The following COL9A1 variants were observed in gnomAD, a reference collection of about 807,000 sequenced individuals.
COL9A1 encodes the protein collagen alpha-1(IX) chain.
In COL9A1, 104 loss-of-function variants were observed where a neutral mutation model predicts 142.6. The ratio of observed to expected loss-of-function variants is 0.73; its 90% CI spans 0.62 to 0.86. The LOEUF (loss-of-function observed/expected upper bound fraction) is 0.86. COL9A1 is among the 40% of genes least tolerant of loss of function. The pLI is 0.00. For synonymous variants in COL9A1, 466 were observed against 396.0 expected (o/e 1.18, Z -2.10); for missense variants, 1,210 against 1,176.6 (o/e 1.03, Z -0.42).
chr6:70,232,328 T>C (rs569673126), intron 36 of COL9A1, among the ~76,000 whole-genome samples: 1 of 152,316 alleles, frequency 6.6e-6, no homozygotes, highest in East Asian at 1.9e-4. Flanking sequence ...AGGTAGAGTA[T>C]AATAGAAAAA....
At chr6:70,217,360 C>T (rs1457599083) in intron 37 of COL9A1, among the ~76,000 whole-genome samples, 11 of 152,072 alleles carry the variant, frequency 7.2e-5, no homozygotes. Flanking sequence ...ATGGTAGCCT[C>T]CAGCCACAGG....
chr6:70,296,392 G>A (rs1024607714), intron 4 of COL9A1, among the ~76,000 whole-genome samples: 2 of 151,744 alleles, frequency 1.3e-5, no homozygotes, highest in African/African-American at 4.8e-5. Context: ...TATCCCTCAA[G>A]TGTACATTTT....
chr6:70,262,010 C>A (rs921640799), intron 19 of COL9A1, among the ~76,000 whole-genome samples: 5 of 152,108 alleles, frequency 3.3e-5, no homozygotes, highest in Admixed American at 1.3e-4. Context: ...CCCCAATGGA[C>A]CACTTGAGCC....
chr6:70,284,544 T>C (rs1453652615), intron 5 of COL9A1, among the ~76,000 whole-genome samples: 1 of 152,214 alleles, frequency 6.6e-6, no homozygotes, highest in Admixed American at 6.5e-5. Context: ...GACAACTTCT[T>C]ACATTGTTAG....
At chr6:70,252,358 A>C (rs773646260) in intron 26 of COL9A1, 43 bp from the exon 27 acceptor site, 2 of 1,559,770 alleles carry the variant, frequency 1.3e-6, no homozygotes, top group Non-Finnish European at 1.8e-6. Context: ...ATGCTGAAGT[A>C]AGCATAATCA....
At chr6:70,261,267 C>A (rs1771669332) in intron 19 of COL9A1, among the ~76,000 whole-genome samples, 1 of 151,926 alleles carries the variant, frequency 6.6e-6, no homozygotes. Flanking sequence ...CAACTCGGGG[C>A]AATAGGAACC....
intron 18 of COL9A1, among the ~76,000 whole-genome samples, chr6:70,263,499 T>G (rs1365406224): frequency 6.6e-6 from 1 of 151,986 alleles, no homozygotes; most frequent in Non-Finnish European, 1.5e-5. Flanking sequence ...ATATAAAAAG[T>G]CACCAAAATA....
At chr6:70,240,120 G>T (rs1770152324) in intron 32 of COL9A1, among the ~76,000 whole-genome samples, 1 of 152,118 alleles carries the variant, frequency 6.6e-6, no homozygotes, top group Non-Finnish European at 1.5e-5. Context: ...ATAATGATGA[G>T]CCTGCAAACC....
chr6:70,294,472 A>C lies in COL9A1; in HGVS notation c.391T>G (p.Trp131Gly), dbSNP rs777847893. Residue 131 changes from tryptophan (W) to glycine (G), a missense_variant, in exon 5 of 38, where the codon TGG (tryptophan) becomes GGG (glycine). Transcript: ENST00000357250. ...TTCCCAGAGGAATCCTGAATCTGCC[A>C]AATGTTCCAGTTCTTTTTGAGAGTG... ...GSTLKKNWNI[W>G]QIQDSSGKEQ... 5.3e-5 allele frequency: 86 copies of C among 1,614,010 alleles called. No individual in the cohort carries two copies. The highest frequency in any genetic ancestry group is 7.0e-5 in the Non-Finnish European group (83 of 1,179,966).
intron 11 of COL9A1, among the ~76,000 whole-genome samples, chr6:70,274,491 C>T (rs1457796804): frequency 3.3e-5 from 5 of 152,136 alleles, no homozygotes; most frequent in African/African-American, 7.2e-5. Flanking sequence ...CGTTAGTTTG[C>T]TGAAAATAAT....
At chr6:70,246,678 A>C (rs901854902) in intron 28 of COL9A1, among the ~76,000 whole-genome samples, 1 of 152,172 alleles carries the variant, frequency 6.6e-6, no homozygotes, top group African/African-American at 2.4e-5. Context: ...CCACCACCAA[A>C]GTTCCATAAA....
intron 31 of COL9A1, 54 bp from the exon 32 acceptor site, chr6:70,240,787 T>C: frequency 1.5e-6 from 2 of 1,350,048 alleles, no homozygotes; most frequent in Non-Finnish European, 2.1e-6. Flanking sequence ...CATTGCCCAA[T>C]TTTAACCAGT....
chr6:70,284,679 A>G (rs1192130416), intron 5 of COL9A1, among the ~76,000 whole-genome samples: 1 of 152,246 alleles, frequency 6.6e-6, no homozygotes, highest in Non-Finnish European at 1.5e-5. Context: ...CATATCCCAT[A>G]GGAAGCCTAT....
chr6:70,274,341 T>A (rs982726589), intron 11 of COL9A1, among the ~76,000 whole-genome samples: 1 of 152,146 alleles, frequency 6.6e-6, no homozygotes, highest in Non-Finnish European at 1.5e-5. Context: ...TAGCTATTCT[T>A]CCTGATGCTC....
intron 25 of COL9A1, 92 bp downstream of exon 25, chr6:70,254,384 C>T (rs1002520051): frequency 2.7e-6 from 3 of 1,125,562 alleles, no homozygotes; most frequent in East Asian, 4.8e-5. Context: ...TTCCCCAGAA[C>T]TTATCAGATT....
chr6:70,255,358 T>C lies in COL9A1; in HGVS notation c.1536A>G (p.Glu512=), dbSNP rs781075340. The change falls in exon 22 of 38, where the codon GAA becomes GAG. Residue 512 remains glutamate, a synonymous_variant. Coordinates refer to ENST00000357250, the MANE Select transcript of COL9A1 (RefSeq NM_001851.6). ...TCACTCTATCTCCTTTGGGACCTGC[T>C]TCTCCTGGAGGTCCTCGCTGTCCTT... is the stretch of plus-strand genomic sequence containing the variant. The part of the protein sequence containing the change: ...GDQGQRGPPG[E]AGPKGDRGAE... 3 of 1,614,090 alleles carry C rather than the reference T, an allele frequency of 1.9e-6. No individual in the cohort carries two copies.
At chr6:70,280,899 G>A in intron 9 of COL9A1, 25 bp from the exon 10 acceptor site, 9 of 1,613,032 alleles carry the variant, frequency 5.6e-6, no homozygotes, top group Non-Finnish European at 7.6e-6. Context: ...AAGGGTGCGG[G>A]GGCAGGAGAG....
At chr6:70,297,903 A>G (rs1773905158) in intron 4 of COL9A1, among the ~76,000 whole-genome samples, 1 of 152,234 alleles carries the variant, frequency 6.6e-6, no homozygotes, top group Non-Finnish European at 1.5e-5. Flanking sequence ...AAAAAATAGA[A>G]AAGATAAATA....
chr6:70,282,783 G>T, intron 7 of COL9A1, 115 bp downstream of exon 7: 5 of 1,496,908 alleles, frequency 3.3e-6, no homozygotes, highest in Admixed American at 3.6e-5. Context: ...AGGAAGCGCG[G>T]GTCTGAGAGC....
Sources: allele counts gnomAD v4.1 joint callset (sites outside exome capture counted in the v4.1 genomes callset), GRCh38; gene constraint gnomAD v4.1.1; transcripts MANE v1.5; gene names NCBI Gene and HGNC (gene_info 2026-07-23, HGNC 2026-07-21).